The following RNLS variants were observed in gnomAD, a reference collection of about 807,000 sequenced individuals.
RNLS encodes the protein renalase.
RNLS carries 39 observed loss-of-function variants against 39.8 expected under a neutral mutation model. That is an observed-to-expected ratio of 0.98 (90% CI 0.76 to 1.28). The LOEUF is 1.28. Ranked by LOEUF, RNLS falls within the 50% of genes most tolerant of loss-of-function variation. The pLI, the probability that RNLS is intolerant of heterozygous loss-of-function variation, is 0.00. For missense variants in RNLS, 410 were observed against 413.3 expected (o/e 0.99, Z 0.07); for synonymous variants, 147 against 150.7 (o/e 0.98, Z 0.18).
the RNLS span, among the ~76,000 whole-genome samples, chr10:88,173,000 G>A: frequency 6.6e-6 from 1 of 151,078 alleles, no homozygotes; most frequent in Non-Finnish European, 1.5e-5. Context: ...GGGACTACAG[G>A]CACCCACCAC....
chr10:88,565,989 C>T (rs1252757160), intron 4 of RNLS, among the ~76,000 whole-genome samples: 10 of 151,610 alleles, frequency 6.6e-5, no homozygotes, highest in Middle Eastern at 3.2e-3. Context: ...CCTCGTGATC[C>T]GCCCACCTCA....
At chr10:88,386,004 A>C (rs1322350182) in intron 4 of RNLS, among the ~76,000 whole-genome samples, 1 of 152,150 alleles carries the variant, frequency 6.6e-6, no homozygotes, top group Non-Finnish European at 1.5e-5. Context: ...CTTTTGTTGC[A>C]CTTTCTAACA....
chr10:88,448,652 A>G (rs752389632), intron 4 of RNLS, among the ~76,000 whole-genome samples: 27 of 152,364 alleles, frequency 1.8e-4, no homozygotes, highest in Non-Finnish European at 3.5e-4. Context: ...ATTACTGGGT[A>G]TATACCCAAA....
At chr10:88,376,758 T>A (rs1851033450) in intron 4 of RNLS, among the ~76,000 whole-genome samples, 1 of 152,174 alleles carries the variant, frequency 6.6e-6, no homozygotes, top group South Asian at 2.1e-4. Context: ...TACCATGTAG[T>A]TAACTCTACA....
intron 4 of RNLS, among the ~76,000 whole-genome samples, chr10:88,419,029 CAG>C (rs1473033432): frequency 6.6e-6 from 1 of 152,160 alleles, no homozygotes; most frequent in Non-Finnish European, 1.5e-5. Context: ...CCAATTTGCG[CAG>C]AGTTGCTTAA....
chr10:88,569,356 C>G (rs145842671), intron 4 of RNLS, among the ~76,000 whole-genome samples: 1 of 151,330 alleles, frequency 6.6e-6, no homozygotes, highest in Non-Finnish European at 1.5e-5. Flanking sequence ...TGTGAGAAAT[C>G]GGAAGTTCTC....
intron 4 of RNLS, among the ~76,000 whole-genome samples, chr10:88,371,321 G>A (rs1185375391): frequency 2.0e-5 from 3 of 152,016 alleles, no homozygotes; most frequent in East Asian, 3.9e-4. Flanking sequence ...CTTTAGAAAC[G>A]TTTTAAAAAA....
intron 4 of RNLS, among the ~76,000 whole-genome samples, chr10:88,432,876 C>T (rs1855218394): frequency 6.6e-6 from 1 of 151,912 alleles, no homozygotes; most frequent in African/African-American, 2.4e-5. Context: ...TAAGCAAATT[C>T]AATCATAGCT....
intron 4 of RNLS, among the ~76,000 whole-genome samples, chr10:88,483,537 T>C (rs1343820433): frequency 6.6e-6 from 1 of 152,214 alleles, no homozygotes; most frequent in Non-Finnish European, 1.5e-5. Flanking sequence ...ATTTACAAAT[T>C]TCATAATTGT....
intron 4 of RNLS, among the ~76,000 whole-genome samples, chr10:88,382,531 G>T: frequency 6.6e-6 from 1 of 152,096 alleles, no homozygotes; most frequent in East Asian, 1.9e-4. Context: ...AGCAAGGAAA[G>T]CTATTTACTG....
At chr10:88,293,603 T>G (rs1176500894) in intron 6 of RNLS, among the ~76,000 whole-genome samples, 14 of 152,176 alleles carry the variant, frequency 9.2e-5, no homozygotes, top group Non-Finnish European at 2.9e-5. Context: ...TGTAGCTGTG[T>G]TTTTGCCTTT....
intron 4 of RNLS, among the ~76,000 whole-genome samples, chr10:88,528,442 G>C (rs932620375): frequency 4.6e-5 from 7 of 152,136 alleles, no homozygotes; most frequent in Admixed American, 4.6e-4. Context: ...AAAGAAAGCA[G>C]GAAACAGGAT....
Position 88,413,878 on chromosome 10 carries a change from T to C in RNLS, c.527-51153A>G, listed in dbSNP as rs1005919758. On this transcript the variant is annotated intron_variant, in intron 4 of 6. Coordinates refer to ENST00000331772, the MANE Select transcript of RNLS (RefSeq NM_001031709.3). ...CTTCCTACTCATCATTTGAGTATAA[T>C]AGGTAAACTACTGAGAACCTGGACC... 7.9e-5 allele frequency among the ~76,000 whole-genome samples: 12 copies of C among 152,278 alleles called. No homozygotes were observed. The South Asian group carries it at 1.2e-3, about 16-fold the overall frequency.
At chr10:88,381,081 A>G (rs947469016) in intron 4 of RNLS, among the ~76,000 whole-genome samples, 5 of 152,216 alleles carry the variant, frequency 3.3e-5, no homozygotes, top group African/African-American at 1.2e-4. Context: ...AACGCATAGT[A>G]TAGTCTAATT....
At chr10:88,237,826 TTAAA>T in the RNLS span, among the ~76,000 whole-genome samples, 4 of 152,178 alleles carry the variant, frequency 2.6e-5, no homozygotes, top group Non-Finnish European at 5.9e-5. Flanking sequence ...AAAAAAGTAA[TTAAA>T]TAATAAAACA....
At chr10:88,186,065 A>G in the RNLS span, among the ~76,000 whole-genome samples, 1 of 152,212 alleles carries the variant, frequency 6.6e-6, no homozygotes, top group Non-Finnish European at 1.5e-5. Flanking sequence ...GGAGATAAGG[A>G]AAGTAAATAA....
intron 4 of RNLS, among the ~76,000 whole-genome samples, chr10:88,449,161 A>C (rs1490548353): frequency 6.6e-6 from 1 of 152,188 alleles, no homozygotes; most frequent in Non-Finnish European, 1.5e-5. Flanking sequence ...TAAACAAAAC[A>C]AAACAAAACA....
At chr10:88,196,950 C>T in the RNLS span, among the ~76,000 whole-genome samples, 1 of 152,232 alleles carries the variant, frequency 6.6e-6, no homozygotes. Context: ...TAATTCTATA[C>T]ATTGGATACA....
At chr10:88,526,897 G>A (rs1427290381) in intron 4 of RNLS, among the ~76,000 whole-genome samples, 1 of 151,224 alleles carries the variant, frequency 6.6e-6, no homozygotes, top group Non-Finnish European at 1.5e-5. Context: ...CTGCAGAAAT[G>A]TTAAGGAACT....
Sources: gnomAD v4.1 joint callset for allele counts (sites outside exome capture counted in the v4.1 genomes callset) on GRCh38, gnomAD v4.1.1 for gene constraint, MANE v1.5 for transcripts, NCBI Gene and HGNC (gene_info 2026-07-23, HGNC 2026-07-21) for gene names.